The following DCC variants were observed in gnomAD, a reference collection of about 807,000 sequenced individuals.
The protein encoded by DCC is DCC netrin 1 receptor, also known as netrin receptor DCC.
DCC carries 58 observed loss-of-function variants against 172.5 expected under a neutral mutation model. The ratio of observed to expected loss-of-function variants is 0.34; its 90% CI spans 0.27 to 0.42. The LOEUF is 0.42. Ranked by LOEUF, DCC falls within the 10% of genes least tolerant of loss-of-function variation. DCC has a pLI of 1.00. For synonymous variants in DCC, 709 were observed against 644.5 expected (o/e 1.10, Z -1.52); for missense variants, 1,740 against 1,791.0 (o/e 0.97, Z 0.51).
At chr18:52,643,455 T>C (rs2034951368) in intron 1 of DCC, among the ~76,000 whole-genome samples, 1 of 152,230 alleles carries the variant, frequency 6.6e-6, no homozygotes, top group African/African-American at 2.4e-5. Context: ...TCCTTCGCAA[T>C]GCTCATTAAA....
In DCC at chr18:53,530,767, A is replaced by G; in HGVS notation, c.*114A>G. 2.7e-6 allele frequency: 2 copies of G among 749,748 alleles called. No individual in the cohort carries two copies. The highest frequency in any genetic ancestry group is 2.5e-6 in the Non-Finnish European group (1 of 405,632). The allele number at this position is 749,748 out of a possible 1,614,324, so 46.4% of individuals were successfully genotyped here. On this transcript the variant is annotated 3_prime_UTR_variant, in exon 29 of 29. Transcript: ENST00000442544. ...CTAACCAGTGTACAGGTCACCCATC[A>G]GGACCACTCAGTTAAGGAAGATCCT...
At chr18:52,408,216 A>T (rs1443235277) in intron 1 of DCC, among the ~76,000 whole-genome samples, 3 of 152,108 alleles carry the variant, frequency 2.0e-5, no homozygotes, top group African/African-American at 7.2e-5. Flanking sequence ...ACTAGTTTAG[A>T]AGGTCTAGCT....
intron 12 of DCC, among the ~76,000 whole-genome samples, chr18:53,256,671 C>G (rs773141740): frequency 2.0e-5 from 3 of 152,130 alleles, no homozygotes; most frequent in Non-Finnish European, 2.9e-5. Context: ...GTTCTTTTGG[C>G]TTAGGATTGA....
intron 15 of DCC, among the ~76,000 whole-genome samples, chr18:53,381,586 C>T (rs1425880007): frequency 7.8e-6 from 1 of 127,424 alleles, no homozygotes; most frequent in African/African-American, 3.0e-5. Context: ...CACCTTACCA[C>T]ATCATATAAA....
chr18:52,507,998 G>A (rs2031295688), intron 1 of DCC, among the ~76,000 whole-genome samples: 2 of 152,086 alleles, frequency 1.3e-5, no homozygotes, highest in African/African-American at 4.8e-5. Context: ...CTACTTAGGA[G>A]GCTGAGACAG....
At chr18:52,663,218 T>C (rs2035396762) in intron 1 of DCC, among the ~76,000 whole-genome samples, 1 of 152,208 alleles carries the variant, frequency 6.6e-6, no homozygotes, top group Admixed American at 6.5e-5. Flanking sequence ...TTCAATAATT[T>C]TGCATCCTAA....
At chr18:52,536,306 T>G (rs756323369) in intron 1 of DCC, among the ~76,000 whole-genome samples, 1 of 152,084 alleles carries the variant, frequency 6.6e-6, no homozygotes, top group Admixed American at 6.6e-5. Flanking sequence ...ACCACAGACA[T>G]GGAGAAAAGA....
chr18:52,815,983 C>A (rs1287068446), intron 2 of DCC, among the ~76,000 whole-genome samples: 1 of 152,174 alleles, frequency 6.6e-6, no homozygotes, highest in Non-Finnish European at 1.5e-5. Flanking sequence ...AAGAGATAAA[C>A]CAACCAATTA....
At chr18:53,375,082 A>G (rs928524780) in intron 15 of DCC, among the ~76,000 whole-genome samples, 3 of 152,158 alleles carry the variant, frequency 2.0e-5, no homozygotes, top group African/African-American at 7.2e-5. Context: ...CATCTCCTGA[A>G]TGGGGACAAT....
intron 1 of DCC, among the ~76,000 whole-genome samples, chr18:52,564,406 T>G (rs1185061771): frequency 6.6e-6 from 1 of 152,118 alleles, no homozygotes; most frequent in Non-Finnish European, 1.5e-5. Context: ...TTCTTAAGCA[T>G]GCACTAATAG....
At chr18:52,585,726 A>G (rs2033653581) in intron 1 of DCC, among the ~76,000 whole-genome samples, 1 of 152,234 alleles carries the variant, frequency 6.6e-6, no homozygotes, top group Non-Finnish European at 1.5e-5. Flanking sequence ...ACCTAATCAT[A>G]CAATTCCCTA....
intron 1 of DCC, among the ~76,000 whole-genome samples, chr18:52,445,964 C>A (rs1294141779): frequency 1.3e-5 from 2 of 152,196 alleles, no homozygotes; most frequent in African/African-American, 4.8e-5. Context: ...GTCTCGCTCG[C>A]TCTGTCGCCC....
intron 21 of DCC, among the ~76,000 whole-genome samples, chr18:53,427,293 C>T (rs980948019): frequency 6.6e-6 from 1 of 152,004 alleles, no homozygotes; most frequent in African/African-American, 2.4e-5. Context: ...ATGACTGTTA[C>T]TTCAGATATA....
intron 2 of DCC, among the ~76,000 whole-genome samples, chr18:52,904,445 T>C (rs2039852122): frequency 1.3e-5 from 2 of 152,246 alleles, no homozygotes; most frequent in Non-Finnish European, 2.9e-5. Context: ...ATAGCATCGC[T>C]TATTGTCTCT....
At chr18:53,427,349 C>T (rs1371834602) in intron 21 of DCC, among the ~76,000 whole-genome samples, 1 of 152,118 alleles carries the variant, frequency 6.6e-6, no homozygotes, top group Admixed American at 6.6e-5. Flanking sequence ...ACAGGAAGGA[C>T]TTCAGAGACC....
chr18:53,287,739 G>T (rs1390256134), intron 12 of DCC, among the ~76,000 whole-genome samples: 1 of 151,646 alleles, frequency 6.6e-6, no homozygotes, highest in Non-Finnish European at 1.5e-5. Context: ...ATCCTAATTT[G>T]GTATCTGCTT....
chr18:52,700,143 GC>G (rs1400925497), intron 1 of DCC, among the ~76,000 whole-genome samples: 1 of 151,182 alleles, frequency 6.6e-6, no homozygotes, highest in African/African-American at 2.4e-5. Flanking sequence ...TCGCTCTCTT[GC>G]CCCACACACA....
intron 1 of DCC, among the ~76,000 whole-genome samples, chr18:52,661,219 G>T (rs1250809351): frequency 1.3e-5 from 2 of 152,118 alleles, no homozygotes; most frequent in Non-Finnish European, 2.9e-5. Context: ...TGAGGCAATG[G>T]GTCACTTTGA....
At chr18:52,454,020 AT>A (rs777317730) in intron 1 of DCC, among the ~76,000 whole-genome samples, 23 of 152,122 alleles carry the variant, frequency 1.5e-4, no homozygotes, top group Non-Finnish European at 2.9e-5. Flanking sequence ...GTCCTTCTTT[AT>A]TTTGGGGTCA....
Sources: allele counts gnomAD v4.1 joint callset (sites outside exome capture counted in the v4.1 genomes callset), GRCh38; gene constraint gnomAD v4.1.1; transcripts MANE v1.5; gene names NCBI Gene and HGNC (gene_info 2026-07-23, HGNC 2026-07-21).